Variants in BCAS3 observed in about 807,000 individuals in gnomAD.
The protein encoded by BCAS3 is BCAS3 microtubule associated cell migration factor, also known as BCAS4/BCAS3 fusion.
Under a neutral mutation model 116.1 loss-of-function variants are expected in BCAS3, and 53 were observed. The observed-to-expected ratio is 0.46, with a 90% CI of 0.37 to 0.57. BCAS3 has a LOEUF of 0.57. Ranked by LOEUF, BCAS3 falls within the 20% of genes least tolerant of loss-of-function variation. The pLI, the probability that BCAS3 is intolerant of heterozygous loss-of-function variation, is 0.00. For missense variants in BCAS3, 917 were observed against 1,165.4 expected, an observed-to-expected ratio of 0.79 and a Z score of 3.10; for synonymous variants, 391 against 408.2, an observed-to-expected ratio of 0.96 and a Z score of 0.51.
rs971650982 is a variant in BCAS3, at chr17:61,347,842, A to G, written c.2426-20485A>G. Among the ~76,000 whole-genome samples the G allele has an allele frequency of 6.6e-6, 1 of 152,214 alleles. No homozygotes were observed. Among genetic ancestry groups the G allele is most frequent in the African/African-American group, 2.4e-5 (1 of 41,460 alleles). On this transcript the variant is annotated intron_variant, in intron 22 of 23. Transcript: ENST00000407086. The surrounding 1 kb of genome is among the most constrained non-coding windows in gnomAD (Gnocchi z 4.3). ...AGGACTTCACCAGGGAAGGCATTCC[A>G]GGCAGAGGGAGCAGCAGATGCACAG...
At chr17:61,301,358 G>T (rs1218023796) in intron 22 of BCAS3, among the ~76,000 whole-genome samples, 1 of 152,210 alleles carries the variant, frequency 6.6e-6, no homozygotes, top group Admixed American at 6.5e-5. Context: ...TTTCGGCCGG[G>T]CACGGTGACT....
In BCAS3 at chr17:61,205,030, CA is replaced by C. The variant is rs901868360; in HGVS notation, c.2425+120474del. ...ATTGTGCCAGAGTGAGACCTTGTCT[CA>C]AAAAAAATTAAAGAATGACAGGATA... On this transcript the variant is annotated intron_variant, in intron 22 of 23. Coordinates refer to ENST00000407086, the MANE Select transcript of BCAS3 (RefSeq NM_017679.5). This position sits in a 1 kb window ranked among gnomAD's most constrained non-coding sequence, Gnocchi z 5.2. 6.6e-6 allele frequency among the ~76,000 whole-genome samples: 1 copy of C among 151,254 alleles called. No homozygotes were observed.
chr17:61,254,281 G>A (rs188352898), intron 22 of BCAS3, among the ~76,000 whole-genome samples: 4 of 152,266 alleles, frequency 2.6e-5, no homozygotes, highest in Admixed American at 2.6e-4. Context: ...CACTTCTGCC[G>A]TAAAGAGGGC....
intron 14 of BCAS3, among the ~76,000 whole-genome samples, chr17:60,953,973 A>G (rs1211695556): frequency 6.6e-6 from 1 of 152,144 alleles, no homozygotes; most frequent in African/African-American, 2.4e-5. Flanking sequence ...ACCTTAGGCA[A>G]TCTACCTGCC....
Position 61,368,413 on chromosome 17 carries a change from C to A in BCAS3, c.2512C>A (p.His838Asn). Residue 838 changes from histidine (H) to asparagine (N), a missense_variant, in exon 23 of 24, where the codon CAC (histidine) becomes AAC (asparagine). Around this residue, in one of 3 missense-constraint regions of BCAS3, gnomAD observed 109 missense variants for 122.8 expected, o/e 0.89. Coordinates refer to ENST00000407086, the MANE Select transcript of BCAS3 (RefSeq NM_017679.5). The surrounding 1 kb of genome is among the most constrained non-coding windows in gnomAD (Gnocchi z 6.0). The part of the protein sequence containing the change: ...FGLRHMSSME[H>N]TEEGLRERLA... ...GCTGCGGCACATGTCCTCCATGGAG[C>A]ACACGGAGGAGGGCCTCCGGGAGCG... is the stretch of plus-strand genomic sequence containing the variant. 6.2e-7 allele frequency: 1 copy of A among 1,613,064 alleles called. No individual in the cohort carries two copies. Among genetic ancestry groups the A allele is most frequent in the Non-Finnish European group, 8.5e-7 (1 of 1,179,092 alleles).
At chr17:61,345,800 G>A (rs934683300) in intron 22 of BCAS3, among the ~76,000 whole-genome samples, 1 of 152,168 alleles carries the variant, frequency 6.6e-6, no homozygotes, top group Non-Finnish European at 1.5e-5. Flanking sequence ...AGTAGATTGG[G>A]ATGATAGGGA....
At chr17:60,998,907 G>GTT (rs1390033232) in intron 15 of BCAS3, among the ~76,000 whole-genome samples, 2 of 152,120 alleles carry the variant, frequency 1.3e-5, no homozygotes, top group Non-Finnish European at 2.9e-5. Flanking sequence ...GTCCAGAAGA[G>GTT]TTTTTCCTGG....
intron 6 of BCAS3, among the ~76,000 whole-genome samples, chr17:60,749,634 C>G (rs781725086): frequency 6.6e-6 from 1 of 151,956 alleles, no homozygotes. Context: ...GAGATAGTTC[C>G]AGTGTGGCTT....
chr17:61,319,232 A>T (rs1422940602), intron 22 of BCAS3, among the ~76,000 whole-genome samples: 1 of 152,196 alleles, frequency 6.6e-6, no homozygotes, highest in Non-Finnish European at 1.5e-5. Flanking sequence ...TACTAACAAT[A>T]TGTAGAGAGC....
At chr17:61,329,586 C>T (rs1319459854) in intron 22 of BCAS3, among the ~76,000 whole-genome samples, 2 of 152,064 alleles carry the variant, frequency 1.3e-5, no homozygotes, top group African/African-American at 4.8e-5. Flanking sequence ...TGTGATCCAC[C>T]GGCCTCGGCC....
rs1363387524 is a variant in BCAS3 at position 61,008,702 on chromosome 17, TAAAAAAA to T, written c.1487-7048_1487-7042del. 1.2e-3 allele frequency among the ~76,000 whole-genome samples: 184 copies of T among 150,702 alleles called. 1 individual carries two copies. The highest frequency in any genetic ancestry group is 4.4e-3 in the African/African-American group (180 of 41,150). ...CAAAAGTTTACCAAAAAATAAAAAA[TAAAAAAA>T]TAAAAAAAAAGGCCCCGTAGAACTC... On this transcript the variant is annotated intron_variant, in intron 15 of 23. Transcript: ENST00000407086. This position sits in a 1 kb window ranked among gnomAD's most constrained non-coding sequence, Gnocchi z 4.6.
chr17:61,314,132 T>A (rs1280778722), intron 22 of BCAS3, among the ~76,000 whole-genome samples: 1 of 152,208 alleles, frequency 6.6e-6, no homozygotes, highest in Non-Finnish European at 1.5e-5. Context: ...AGGCACACAC[T>A]GGGGAAGTGA....
chr17:60,925,463 G>A (rs2059320532), intron 13 of BCAS3, among the ~76,000 whole-genome samples: 1 of 152,124 alleles, frequency 6.6e-6, no homozygotes, highest in Non-Finnish European at 1.5e-5. Flanking sequence ...TACATTATTG[G>A]AAATAGGTTT....
At chr17:61,067,740 A>AAAATATAT (rs1555697139) in intron 19 of BCAS3, among the ~76,000 whole-genome samples, 3 of 133,742 alleles carry the variant, frequency 2.2e-5, no homozygotes, top group African/African-American at 9.9e-5. Context: ...AAAAAAAAAA[A>AAAATATAT]ATATATATAT....
intron 22 of BCAS3, among the ~76,000 whole-genome samples, chr17:61,119,178 A>C (rs1196179687): frequency 6.6e-6 from 1 of 152,214 alleles, no homozygotes; most frequent in Non-Finnish European, 1.5e-5. Context: ...TATTGAGGAC[A>C]GGGTTTTTCT....
chr17:60,955,851 C>T (rs1323564927), intron 14 of BCAS3, among the ~76,000 whole-genome samples: 1 of 152,178 alleles, frequency 6.6e-6, no homozygotes, highest in Admixed American at 6.5e-5. Context: ...ATTTAGCTTA[C>T]TCATCCTTGA....
At chr17:60,783,534 A>G (rs2046010780) in intron 6 of BCAS3, among the ~76,000 whole-genome samples, 1 of 152,150 alleles carries the variant, frequency 6.6e-6, no homozygotes, top group South Asian at 2.1e-4. Context: ...GTGGTAGACT[A>G]TGTCTGTGTG....
chr17:61,298,768 C>T (rs2053164242), intron 22 of BCAS3, among the ~76,000 whole-genome samples: 1 of 151,920 alleles, frequency 6.6e-6, no homozygotes, highest in Non-Finnish European at 1.5e-5. Flanking sequence ...GGGCTGCCTT[C>T]CAGTTCAAAG....
chr17:61,121,964 G>A (rs1038375870), intron 22 of BCAS3, among the ~76,000 whole-genome samples: 1 of 152,066 alleles, frequency 6.6e-6, no homozygotes, highest in African/African-American at 2.4e-5. Context: ...TCCTGACATC[G>A]TGATCCACCC....
Sources: gnomAD v4.1 joint callset for allele counts (sites outside exome capture counted in the v4.1 genomes callset) on GRCh38, gnomAD v4.1.1 for gene constraint, gnomAD v4.1.1 regional missense constraint, Gnocchi (gnomAD v3.1) non-coding constraint, MANE v1.5 for transcripts, NCBI Gene and HGNC (gene_info 2026-07-23, HGNC 2026-07-21) for gene names.